Variants in CACNA1I observed in about 807,000 individuals in gnomAD.
CACNA1I encodes voltage-dependent T-type calcium channel subunit alpha-1I.
CACNA1I carries 74 observed loss-of-function variants against 201.6 expected under a neutral mutation model. The observed-to-expected ratio is 0.37, with a 90% CI of 0.30 to 0.45. The LOEUF is 0.45. Among genes scored for constraint, CACNA1I ranks in the 20% least tolerant of loss-of-function variants. The probability of loss-of-function intolerance (pLI) is 1.00; values close to 1 mark genes in which losing one functional copy is unlikely to be tolerated. For missense variants in CACNA1I, 2,346 were observed against 3,138.1 expected (o/e 0.75, Z 6.03); for synonymous variants, 1,431 against 1,345.2 (o/e 1.06, Z -1.40).
chr22:39,635,256 G>A (rs969432365), intron 5 of CACNA1I, among the ~76,000 whole-genome samples: 1 of 152,212 alleles, frequency 6.6e-6, no homozygotes, highest in Admixed American at 6.5e-5. Context: ...CAGGCCCCAG[G>A]GAGTCAGAAA....
intron 10 of CACNA1I, 71 bp from the exon 11 acceptor site, chr22:39,658,081 G>C (rs1934882732): frequency 1.3e-6 from 2 of 1,521,840 alleles, no homozygotes; most frequent in Admixed American, 3.4e-5. Flanking sequence ...GCCAGGGTGG[G>C]TGTCCAGAGG....
At chr22:39,678,134 G>A in intron 31 of CACNA1I, 26 bp downstream of exon 31, 2 of 1,605,758 alleles carry the variant, frequency 1.2e-6, no homozygotes, top group South Asian at 2.2e-5. Context: ...CTGGGGTGGA[G>A]AAATCAGCCA....
Position 39,649,638 on chromosome 22 carries a change from A to G in CACNA1I, c.1705A>G (p.Ser569Gly). The G allele has an allele frequency of 3.3e-6, 5 of 1,526,678 alleles. No homozygotes were observed. The highest frequency in any genetic ancestry group is 3.5e-6 in the Non-Finnish European group (4 of 1,134,880). 94.6% of individuals were successfully genotyped at this position (1,526,678 alleles called of 1,614,324 possible). ...EDGRRPSGLG[S>G]TDSGQEGSGS... Reference sequence around the variant, plus strand: ...CGGCCGGCGGCCCTCGGGCCTGGGCAGCACCGACTCGGGCCAGGAGGGCTC... The same window carrying G: ...CGGCCGGCGGCCCTCGGGCCTGGGCGGCACCGACTCGGGCCAGGAGGGCTC... Residue 569 changes from serine to glycine, a missense_variant, in exon 10 of 37, where the codon AGC (serine) becomes GGC (glycine). Physicochemically the swap from Ser to Gly is moderately conservative, Grantham distance 56. This residue lies in a region of CACNA1I where 312 missense variants were observed against 331.5 expected (regional missense o/e 0.94). Coordinates refer to ENST00000402142, the MANE Select transcript of CACNA1I (RefSeq NM_021096.4). This position sits in a 1 kb window ranked among gnomAD's most constrained non-coding sequence, Gnocchi z 7.3.
chr22:39,583,331 A>ACCAT (rs1402783076), intron 1 of CACNA1I, among the ~76,000 whole-genome samples: 1 of 129,178 alleles, frequency 7.7e-6, no homozygotes, highest in Non-Finnish European at 1.7e-5. Flanking sequence ...CATCTATCCA[A>ACCAT]CCATCCATCC....
intron 1 of CACNA1I, among the ~76,000 whole-genome samples, chr22:39,573,192 A>G (rs1400845899): frequency 6.6e-6 from 1 of 152,158 alleles, no homozygotes; most frequent in Non-Finnish European, 1.5e-5. Context: ...TAGGAGGACC[A>G]GGGGGACAAT....
At chr22:39,683,314 A>G (rs1199972327) in intron 35 of CACNA1I, among the ~76,000 whole-genome samples, 2 of 152,168 alleles carry the variant, frequency 1.3e-5, no homozygotes, top group Non-Finnish European at 2.9e-5. Flanking sequence ...GGAGCCCAGC[A>G]GAAGAGGGAT....
Position 39,640,997 on chromosome 22 carries a change from C to A in CACNA1I, c.871C>A (p.Arg291Ser). Reference sequence around the variant, plus strand: ...GATCCCCCCGCTCAAGGAGCAGGGCCGTGAGTGCTGCCTGTCCAAGGACGA... The same window carrying A: ...GATCCCCCCGCTCAAGGAGCAGGGCAGTGAGTGCTGCCTGTCCAAGGACGA... ...HEIPPLKEQG[R>S]ECCLSKDDVY... Residue 291 changes from arginine (R) to serine (S), a missense_variant, in exon 6 of 37, where the codon CGT (arginine) becomes AGT (serine). By Grantham distance (110) the Arg-to-Ser change is moderately radical (BLOSUM62 -1). Around this residue, in one of 13 missense-constraint regions of CACNA1I, gnomAD observed 227 missense variants for 412.5 expected, o/e 0.55. Transcript: ENST00000402142. 3 of 1,614,032 alleles carry A rather than the reference C, an allele frequency of 1.9e-6. No individual in the cohort carries two copies. The highest frequency in any genetic ancestry group is 2.5e-6 in the Non-Finnish European group (3 of 1,179,900).
intron 8 of CACNA1I, 46 bp downstream of exon 8, chr22:39,646,927 A>C: frequency 6.9e-7 from 1 of 1,450,550 alleles, no homozygotes; most frequent in Non-Finnish European, 9.0e-7. Flanking sequence ...CTTCGTGCCA[A>C]GTGTCACTCC....
intron 3 of CACNA1I, among the ~76,000 whole-genome samples, chr22:39,604,489 A>G (rs1485936197): frequency 6.6e-6 from 1 of 152,154 alleles, no homozygotes; most frequent in African/African-American, 2.4e-5. Context: ...CTATTTTGAA[A>G]TTCTTAATCA....
rs907125543 is a variant in CACNA1I at position 39,648,434 on chromosome 22, C to T, written c.1567+508C>T. Among the ~76,000 whole-genome samples, 1 of 152,160 alleles carries T rather than the reference C, an allele frequency of 6.6e-6. No individual in the cohort carries two copies. Among genetic ancestry groups the T allele is most frequent in the Admixed American group, 6.5e-5 (1 of 15,286 alleles). ...CTCTTGCCCCCTTGCCCCTGGGCCTCCCCTCTGCCCTGGAAAACGAGAGTT... is the reference window on the plus strand; with the variant it reads ...CTCTTGCCCCCTTGCCCCTGGGCCTTCCCTCTGCCCTGGAAAACGAGAGTT... On this transcript the variant is annotated intron_variant, in intron 9 of 36. Transcript: ENST00000402142. The surrounding 1 kb of genome is among the most constrained non-coding windows in gnomAD (Gnocchi z 5.4).
rs1337535365 is a variant in CACNA1I, at chr22:39,682,496, G to T, written c.5665G>T (p.Gly1889Cys). The T allele has an allele frequency of 6.2e-7, 1 of 1,612,972 alleles. No individual in the cohort carries two copies. The highest frequency in any genetic ancestry group is 1.1e-5 in the South Asian group (1 of 91,012). ...CCATCCTACCTCCCTTTCCTTGCAG[G>T]GTGAGCTGGACCCACCTGAGCCCAT... ...ACPPGRKDSK[G>C]ELDPPEPMRV... Residue 1889 changes from glycine (G) to cysteine (C), a missense_variant and splice_region_variant, in exon 35 of 37, where the codon GGT becomes TGT. Gly to Cys is a radical substitution (Grantham distance 159, BLOSUM62 -3). This residue lies in a region of CACNA1I where 441 missense variants were observed against 555.6 expected (regional missense o/e 0.79). Transcript: ENST00000402142.
chr22:39,687,266 G>A lies in CACNA1I; in HGVS notation c.*861G>A, dbSNP rs1041169939. Reference sequence around the variant, plus strand: ...ACCCCCAGGAGGGCGGGGGTGGGTGGAGCAGGAGTGGAGGCAGCCTGCAGA... The same window carrying A: ...ACCCCCAGGAGGGCGGGGGTGGGTGAAGCAGGAGTGGAGGCAGCCTGCAGA... On this transcript the variant is annotated 3_prime_UTR_variant, in exon 37 of 37. Coordinates refer to ENST00000402142, the MANE Select transcript of CACNA1I (RefSeq NM_021096.4). 4 of 152,398 alleles carry A rather than the reference G, an allele frequency of 2.6e-5. No homozygotes were observed. The highest frequency in any genetic ancestry group is 5.9e-5 in the Non-Finnish European group (4 of 68,344). The allele number at this position is 152,398 out of a possible 1,614,324, so 9.4% of individuals were successfully genotyped here. A position where few individuals can be genotyped will look rare whatever the true frequency, so the allele number is the denominator to read the frequency against.
Position 39,661,239 on chromosome 22 carries a change from C to A in CACNA1I, c.2830C>A (p.Leu944Met), listed in dbSNP as rs768394828. 19 of 1,611,228 alleles carry A rather than the reference C, an allele frequency of 1.2e-5. No homozygotes were observed. In the Middle Eastern group the frequency reaches 1.2e-3, roughly 98 times the overall value. Residue 944 changes from leucine (L) to methionine (M), a missense_variant, in exon 16 of 37, where the codon CTG (leucine) becomes ATG (methionine). Transcript: ENST00000402142. ...ACTCTCACTGCAGCCGGACCCCATG[C>A]TGGTGGCCCTGGGCTCCCGAAAGAG... The part of the protein sequence containing the change: ...PRLSLQPDPM[L>M]VALGSRKSSV...
At chr22:39,582,751 C>T (rs922716454) in intron 1 of CACNA1I, among the ~76,000 whole-genome samples, 2 of 141,182 alleles carry the variant, frequency 1.4e-5, no homozygotes, top group African/African-American at 5.3e-5. Context: ...TACACCCCCC[C>T]ACCCATCTTT....
chr22:39,638,464 T>A lies in CACNA1I; in HGVS notation c.741-2403T>A, dbSNP rs186102151. Among the ~76,000 whole-genome samples, 154 of 152,360 alleles carry A rather than the reference T, an allele frequency of 1.0e-3. 1 individual carries two copies. In the Middle Eastern group the frequency reaches 0.01, roughly 10 times the overall value. On this transcript the variant is annotated intron_variant, in intron 5 of 36. Coordinates refer to ENST00000402142, the MANE Select transcript of CACNA1I (RefSeq NM_021096.4). ...CAATGTATACTCCCACAACAGTGTA[T>A]GTGAGTGTCTGTTTACACTTATTCT...
intron 1 of CACNA1I, among the ~76,000 whole-genome samples, chr22:39,584,550 T>A (rs1932679661): frequency 1.3e-5 from 2 of 151,988 alleles, no homozygotes; most frequent in South Asian, 4.2e-4. Context: ...GGAGAGGAGA[T>A]GGGAGACCAG....
intron 7 of CACNA1I, 45 bp downstream of exon 7, chr22:39,642,934 T>C: frequency 7.4e-7 from 1 of 1,350,954 alleles, no homozygotes; most frequent in South Asian, 1.2e-5. Flanking sequence ...TCAGAACCCA[T>C]GGACCAGGGG....
At chr22:39,619,839 C>G (rs1005421182) in intron 4 of CACNA1I, among the ~76,000 whole-genome samples, 3 of 152,134 alleles carry the variant, frequency 2.0e-5, no homozygotes, top group Admixed American at 6.5e-5. Flanking sequence ...ACTTAGAAGT[C>G]GAGCTCTGTC....
intron 4 of CACNA1I, among the ~76,000 whole-genome samples, chr22:39,620,472 A>G (rs944903570): frequency 1.3e-5 from 2 of 152,222 alleles, no homozygotes; most frequent in African/African-American, 4.8e-5. Flanking sequence ...TCTTGCAACC[A>G]TAAGCCCTGT....
Sources: allele counts gnomAD v4.1 joint callset (sites outside exome capture counted in the v4.1 genomes callset), GRCh38; gene constraint gnomAD v4.1.1; regional missense constraint gnomAD v4.1.1; non-coding constraint Gnocchi (gnomAD v3.1); transcripts MANE v1.5; gene names NCBI Gene and HGNC (gene_info 2026-07-23, HGNC 2026-07-21).